The following ODAM variants were observed in gnomAD, a reference collection of about 807,000 sequenced individuals.
ODAM encodes odontogenic, ameloblast associated, also known as odontogenic ameloblast-associated protein.
ODAM carries 55 observed loss-of-function variants against 48.5 expected under a neutral mutation model. The observed-to-expected ratio is 1.13, with a 90% CI of 0.91 to 1.42. The LOEUF is 1.42. ODAM is among the 40% of genes most tolerant of loss of function. The pLI is 0.00. For missense variants in ODAM, 353 were observed against 323.6 expected, an observed-to-expected ratio of 1.09 and a Z score of -0.70; for synonymous variants, 127 against 107.8, an observed-to-expected ratio of 1.18 and a Z score of -1.10.
intron 6 of ODAM, among the ~76,000 whole-genome samples, chr4:70,199,499 G>A (rs950272385): frequency 7.9e-5 from 12 of 151,988 alleles, no homozygotes; most frequent in Non-Finnish European, 1.8e-4. Context: ...TAGTCTTAAT[G>A]AGATCAAATT....
intron 6 of ODAM, chr4:70,200,095 A>G (rs1157741081): frequency 2.2e-6 from 1 of 447,256 alleles, no homozygotes; most frequent in Admixed American, 2.5e-5. Flanking sequence ...TTCATTTATT[A>G]TGGCAGAACA....
At chr4:70,200,713 A>G (rs561169840) in intron 7 of ODAM, 112 bp downstream of exon 7, 1 of 607,778 alleles carries the variant, frequency 1.6e-6, no homozygotes, top group African/African-American at 1.9e-5. Flanking sequence ...AACACTCAAC[A>G]GCATGAAACA....
intron 1 of ODAM, 36 bp from the exon 2 acceptor site, chr4:70,196,493 T>C (rs1309633779): frequency 1.7e-6 from 2 of 1,180,132 alleles, no homozygotes; most frequent in Non-Finnish European, 2.4e-6. Context: ...TTAAGTAATG[T>C]CTTTATAAAG....
chr4:70,199,605 T>A (rs1729452181), intron 6 of ODAM, among the ~76,000 whole-genome samples: 1 of 151,994 alleles, frequency 6.6e-6, no homozygotes, highest in Non-Finnish European at 1.5e-5. Flanking sequence ...CCATCCTGGC[T>A]TTACATTAGA....
chr4:70,197,876 C>A (rs1183914318), intron 4 of ODAM, 48 bp from the exon 5 acceptor site: 1 of 1,498,318 alleles, frequency 6.7e-7, no homozygotes, highest in Non-Finnish European at 9.2e-7. Context: ...TTTTTAAATT[C>A]TTTTTGGCAT....
rs113249725 is a variant in ODAM, at chr4:70,196,005, A to T, written c.-16+212A>T. ...TCAGTTTTATAATCTATTGCCATAAATTACAAAAACATTGACTCAGTTGCT... is the reference window on the plus strand; with the variant it reads ...TCAGTTTTATAATCTATTGCCATAATTTACAAAAACATTGACTCAGTTGCT... On this transcript the variant is annotated intron_variant, in intron 1 of 11. Transcript: ENST00000683306. Among the ~76,000 whole-genome samples the T allele has an allele frequency of 1.4e-3, 213 of 152,166 alleles. 4 individuals are homozygous for T. The highest frequency in any genetic ancestry group is 0.013 in the South Asian group (65 of 4,826).
At position 70,198,086 on chromosome 4, in the gene ODAM, G is replaced by A; in HGVS notation, c.304G>A (p.Gly102Arg). 6.2e-7 allele frequency: 1 copy of A among 1,613,228 alleles called. No individual in the cohort carries two copies. The highest frequency in any genetic ancestry group is 8.5e-7 in the Non-Finnish European group (1 of 1,179,508). The stretch of plus-strand genomic sequence containing the variant: ...AACAGGAGAGGCCAGTTTTGCCCAA[G>A]GAGCCCAGGCAGGCCAAGTTGATCC... ...PLTGEASFAQ[G>R]AQAGQVDPLQ... Residue 102 changes from glycine to arginine, a missense_variant, in exon 5 of 12, where the codon GGA (glycine) becomes AGA (arginine). By Grantham distance (125) the Gly-to-Arg change is moderately radical. Transcript: ENST00000683306.
chr4:70,202,440 G>GCTT (rs951928043), intron 9 of ODAM, 111 bp downstream of exon 9: 80 of 933,222 alleles, frequency 8.6e-5, no homozygotes, highest in African/African-American at 2.0e-4. Context: ...AATAATTTTT[G>GCTT]CTTCTTCTTC....
At chr4:70,203,996 G>A (rs1400408133) in intron 11 of ODAM, among the ~76,000 whole-genome samples, 179 bp from the exon 12 acceptor site, 3 of 151,836 alleles carry the variant, frequency 2.0e-5, no homozygotes, top group Non-Finnish European at 2.9e-5. Context: ...GGCAAATCAA[G>A]TTATTCAGTA....
chr4:70,199,811 A>C (rs1291536933), intron 6 of ODAM, among the ~76,000 whole-genome samples: 1 of 151,992 alleles, frequency 6.6e-6, no homozygotes. Flanking sequence ...GTCTAATACA[A>C]TCTCTTACTT....
chr4:70,197,323 T>C lies in ODAM; in HGVS notation c.141+2T>C, dbSNP rs767988912. The C allele has an allele frequency of 3.3e-5, 47 of 1,419,312 alleles. No individual in the cohort carries two copies. The highest frequency in any genetic ancestry group is 4.4e-5 in the Non-Finnish European group (44 of 1,004,726). The allele number at this position is 1,419,312 out of a possible 1,614,324, so 87.9% of individuals were successfully genotyped here. ...CAACTTTTGCCACTACAACTTCAGG[T>C]ACCTCCATTTCAATAATTACTTTAT... On this transcript the variant is annotated splice_donor_variant, in intron 4 of 11. Transcript: ENST00000683306. LOFTEE classifies it high-confidence loss of function.
intron 11 of ODAM, 49 bp downstream of exon 11, chr4:70,203,263 T>G: frequency 9.2e-7 from 1 of 1,092,036 alleles, no homozygotes; most frequent in Non-Finnish European, 1.4e-6. Flanking sequence ...AATTCCTACA[T>G]AAGAAGACAA....
chr4:70,196,851 CA>C, intron 3 of ODAM, 118 bp downstream of exon 3: 2 of 720,098 alleles, frequency 2.8e-6, no homozygotes, highest in Non-Finnish European at 4.6e-6. Context: ...TATGTATATC[CA>C]AGCACATTTC....
chr4:70,202,354 C>A, intron 9 of ODAM, 25 bp downstream of exon 9: 2 of 1,572,394 alleles, frequency 1.3e-6, no homozygotes, highest in Non-Finnish European at 1.7e-6. Flanking sequence ...AACACTTTGC[C>A]AGCTACTGGA....
chr4:70,201,836 G>A (rs1408679611), intron 8 of ODAM, among the ~76,000 whole-genome samples: 2 of 151,922 alleles, frequency 1.3e-5, no homozygotes, highest in African/African-American at 4.8e-5. Context: ...TCTAAGGCAA[G>A]GATAGTGGAG....
At chr4:70,195,966 A>G (rs954412077) in intron 1 of ODAM, among the ~76,000 whole-genome samples, 173 bp downstream of exon 1, 3 of 152,028 alleles carry the variant, frequency 2.0e-5, no homozygotes, top group Non-Finnish European at 2.9e-5. Context: ...TACACCATAA[A>G]TCAATATCAC....
chr4:70,202,395 G>A (rs1729519998), intron 9 of ODAM, 66 bp downstream of exon 9: 2 of 1,230,096 alleles, frequency 1.6e-6, no homozygotes, highest in African/African-American at 1.5e-5. Flanking sequence ...CTGCACTAAT[G>A]TTCATTTTAA....
chr4:70,199,192 TA>T (rs1393472989), intron 6 of ODAM, among the ~76,000 whole-genome samples: 1 of 152,026 alleles, frequency 6.6e-6, no homozygotes, highest in African/African-American at 2.4e-5. Flanking sequence ...CAAACTAGTA[TA>T]ATCATCATAT....
chr4:70,196,460 T>C, intron 1 of ODAM, 69 bp from the exon 2 acceptor site: 1 of 842,104 alleles, frequency 1.2e-6, no homozygotes, highest in South Asian at 1.9e-5. Flanking sequence ...GATTGAACAA[T>C]ACTAATTATT....
Sources: allele counts gnomAD v4.1 joint callset (sites outside exome capture counted in the v4.1 genomes callset), GRCh38; gene constraint gnomAD v4.1.1; transcripts MANE v1.5; gene names NCBI Gene and HGNC (gene_info 2026-07-23, HGNC 2026-07-21).